The following RGS12 variants were observed in gnomAD, a reference collection of about 807,000 sequenced individuals.
RGS12 encodes the protein regulator of G protein signaling 12, also known as regulator of G-protein signaling 12.
RGS12 carries 66 observed loss-of-function variants against 120.1 expected under a neutral mutation model. The ratio of observed to expected loss-of-function variants is 0.55; its 90% CI spans 0.45 to 0.67. RGS12 has a LOEUF of 0.67. Ranked by LOEUF, RGS12 falls within the 30% of genes least tolerant of loss-of-function variation. RGS12 has a pLI of 0.00. For missense variants in RGS12, 1,859 were observed against 1,957.7 expected (o/e 0.95, Z 0.95); for synonymous variants, 827 against 804.7 (o/e 1.03, Z -0.47).
chr4:3,327,854 C>G (rs1725665336), intron 2 of RGS12, among the ~76,000 whole-genome samples: 3 of 152,190 alleles, frequency 2.0e-5, no homozygotes, highest in South Asian at 4.1e-4. Flanking sequence ...AAAAATAGAG[C>G]TACCATTTGA....
intron 2 of RGS12, among the ~76,000 whole-genome samples, chr4:3,319,059 T>C (rs1258090573): frequency 2.0e-5 from 3 of 151,998 alleles, no homozygotes; most frequent in Admixed American, 2.0e-4. Context: ...AGGCCGTGTT[T>C]GATGAATATT....
the RGS12 span, among the ~76,000 whole-genome samples, chr4:3,287,190 G>T: frequency 6.6e-6 from 1 of 152,350 alleles, no homozygotes; most frequent in African/African-American, 2.4e-5. Flanking sequence ...GGAGGGCGGC[G>T]TTTGCGTGAT....
At chr4:3,325,633 C>G (rs1211530147) in intron 2 of RGS12, among the ~76,000 whole-genome samples, 2 of 152,172 alleles carry the variant, frequency 1.3e-5, no homozygotes, top group Non-Finnish European at 2.9e-5. Context: ...TAGTACCAAC[C>G]CTCCTGAAAC....
At chr4:3,429,387 G>C (rs1476852704) in intron 16 of RGS12, among the ~76,000 whole-genome samples, 1 of 152,214 alleles carries the variant, frequency 6.6e-6, no homozygotes, top group Non-Finnish European at 1.5e-5. Context: ...AGTCCACCTG[G>C]CGTGTCACGG....
At chr4:3,403,930 C>T (rs1423971729) in intron 4 of RGS12, among the ~76,000 whole-genome samples, 2 of 152,226 alleles carry the variant, frequency 1.3e-5, no homozygotes, top group African/African-American at 4.8e-5. Context: ...TACAAAATTT[C>T]ACACCCCAGT....
chr4:3,431,428 C>T (rs138395178), intron 17 of RGS12: 14,785 of 997,258 alleles, frequency 0.015, 123 homozygotes, highest in East Asian at 0.035. Context: ...GGCCCGTCCT[C>T]GGAAGAGCCT....
chr4:3,393,609 T>G (rs1719731809), intron 4 of RGS12, among the ~76,000 whole-genome samples: 1 of 152,326 alleles, frequency 6.6e-6, no homozygotes, highest in South Asian at 2.1e-4. Context: ...CCCCTTCTGG[T>G]GACTGTGGTC....
At chr4:3,380,567 T>C (rs1718155626) in intron 3 of RGS12, among the ~76,000 whole-genome samples, 1 of 152,236 alleles carries the variant, frequency 6.6e-6, no homozygotes, top group South Asian at 2.1e-4. Context: ...GGCATTTCCA[T>C]GCATCCTCTG....
At chr4:3,355,745 C>T (rs1160757800) in intron 3 of RGS12, among the ~76,000 whole-genome samples, 2 of 129,508 alleles carry the variant, frequency 1.5e-5, no homozygotes, top group East Asian at 2.5e-4. Flanking sequence ...CAGTAAGCTG[C>T]GTTTGTGCCG....
chr4:3,371,021 A>G (rs188245631), intron 3 of RGS12, among the ~76,000 whole-genome samples: 2 of 152,220 alleles, frequency 1.3e-5, no homozygotes, highest in South Asian at 4.1e-4. Context: ...ATGTTTTTCT[A>G]ATATCTAATT....
chr4:3,439,241 A>T (rs1394131346), intron 17 of RGS12, among the ~76,000 whole-genome samples: 1 of 151,950 alleles, frequency 6.6e-6, no homozygotes, highest in Non-Finnish European at 1.5e-5. Context: ...GGCAGGTGTT[A>T]TGTGGAGGGC....
rs200710335 is a variant in RGS12, at chr4:3,422,593, G to C, written c.3033+23G>C. The C allele has an allele frequency of 7.9e-5, 127 of 1,602,848 alleles. 1 individual carries two copies. The African/African-American group carries it at 1.2e-3, about 15-fold the overall frequency. ...AAGGTACTGGGCCCGCCTGACCCTCGTGCTGCCCTCAGGCCATGACCTCCC... is the reference window on the plus strand; with the variant it reads ...AAGGTACTGGGCCCGCCTGACCCTCCTGCTGCCCTCAGGCCATGACCTCCC... On this transcript the variant is annotated intron_variant, in intron 11 of 17. Transcript: ENST00000336727.
chr4:3,418,687 T>C (rs558660169), intron 9 of RGS12: 18 of 152,376 alleles, frequency 1.2e-4, no homozygotes, highest in African/African-American at 4.1e-4. Context: ...CTTCTGGCCA[T>C]GCTGTGAGGT....
At chr4:3,342,643 G>T in intron 2 of RGS12, 1 of 1,234,724 alleles carries the variant, frequency 8.1e-7, no homozygotes, top group Non-Finnish European at 1.1e-6. Flanking sequence ...ACAGCCTTGT[G>T]GGTGGGCTGC....
intron 17 of RGS12, chr4:3,431,283 G>T: frequency 8.5e-7 from 1 of 1,174,282 alleles, no homozygotes; most frequent in Admixed American, 4.3e-5. Flanking sequence ...TTCCGAAAAT[G>T]GAGGCATTCC....
Position 3,390,627 on chromosome 4 carries a change from G to T in RGS12, c.2020+4190G>T, listed in dbSNP as rs994427394. Among the ~76,000 whole-genome samples the T allele has an allele frequency of 8.5e-5, 13 of 152,196 alleles. 1 individual carries two copies. Among genetic ancestry groups the T allele is most frequent in the South Asian group, 4.1e-4 (2 of 4,834 alleles). On this transcript the variant is annotated intron_variant, in intron 4 of 17. Transcript: ENST00000336727. The surrounding 1 kb of genome is among the most constrained non-coding windows in gnomAD (Gnocchi z 4.6). ...CTCTTCCAGTGCCTTCACCCAACAC[G>T]CGGGCCTTTGGAGCTCAGACCTGGC...
rs1577109584 is a variant in RGS12 at position 3,433,602 on chromosome 4, T to C, written c.4114+2647T>C. Among the ~76,000 whole-genome samples the C allele has an allele frequency of 7.1e-6, 1 of 139,896 alleles. No homozygotes were observed. Among genetic ancestry groups the C allele is most frequent in the Non-Finnish European group, 1.6e-5 (1 of 63,964 alleles). 91.8% of individuals were successfully genotyped at this position (139,896 alleles called of 152,430 possible). Reference sequence around the variant, plus strand: ...CCATGCCACCCTGTCCTAGCCCCAGTGCCACATGCCACACCACCCCATCCT... The same window carrying C: ...CCATGCCACCCTGTCCTAGCCCCAGCGCCACATGCCACACCACCCCATCCT... On this transcript the variant is annotated intron_variant, in intron 17 of 17. Coordinates refer to ENST00000336727, the MANE Select transcript of RGS12 (RefSeq NM_001394154.1). The surrounding 1 kb of genome is among the most constrained non-coding windows in gnomAD (Gnocchi z 4.4).
chr4:3,363,134 TG>T (rs1715894884), intron 3 of RGS12, among the ~76,000 whole-genome samples: 2 of 150,758 alleles, frequency 1.3e-5, no homozygotes, highest in South Asian at 2.1e-4. Flanking sequence ...TCAGTGAGTG[TG>T]GGGGTGTGTG....
intron 3 of RGS12, among the ~76,000 whole-genome samples, chr4:3,368,027 G>C (rs771871528): frequency 6.6e-6 from 1 of 152,260 alleles, no homozygotes; most frequent in Non-Finnish European, 1.5e-5. Flanking sequence ...GGTGAAATCA[G>C]TTTAGCACTT....
Sources: gnomAD v4.1 joint callset for allele counts (sites outside exome capture counted in the v4.1 genomes callset) on GRCh38, gnomAD v4.1.1 for gene constraint, Gnocchi (gnomAD v3.1) non-coding constraint, MANE v1.5 for transcripts, NCBI Gene and HGNC (gene_info 2026-07-23, HGNC 2026-07-21) for gene names.